TRPM1: variants seen among roughly 807,000 people sequenced by gnomAD.
TRPM1 encodes the protein TRPM1-203 APA Isoform, Intron 10.
A neutral mutation model predicts 149.4 loss-of-function variants in TRPM1; 113 were observed. That is an observed-to-expected ratio of 0.76 (90% CI 0.65 to 0.88). The LOEUF is 0.88. TRPM1 is among the 40% of genes least tolerant of loss of function. The pLI, the probability that TRPM1 is intolerant of heterozygous loss-of-function variation, is 0.00. For synonymous variants in TRPM1, 741 were observed against 759.5 expected, an observed-to-expected ratio of 0.98 and a Z score of 0.40; for missense variants, 1,976 against 2,038.7, an observed-to-expected ratio of 0.97 and a Z score of 0.59.
intron 11 of TRPM1, among the ~76,000 whole-genome samples, chr15:31,057,958 C>T (rs2034127748): frequency 6.6e-6 from 1 of 152,178 alleles, no homozygotes; most frequent in Non-Finnish European, 1.5e-5. Flanking sequence ...CTCCTTTGTC[C>T]TCCGCCATGA....
chr15:31,002,136 C>T lies in TRPM1; in HGVS notation c.4564G>A (p.Glu1522Lys). 6.2e-7 allele frequency: 1 copy of T among 1,614,240 alleles called. No individual in the cohort carries two copies. The change falls in exon 28 of 28, where the codon GAG becomes AAG. Residue 1522 changes from glutamate (E) to lysine (K), a missense_variant. Around this residue, in one of 3 missense-constraint regions of TRPM1, gnomAD observed 572 missense variants for 578.9 expected, o/e 0.99. Coordinates refer to ENST00000256552, the MANE Select transcript of TRPM1 (RefSeq NM_001252024.2). ...SEAAVQAEHK[E>K]QFADMQDEHH... ...TCATCTTGCATATCTGCAAACTGCT[C>T]TTTATGCTCAGCTTGCACTGCAGCT...
chr15:31,088,446 C>T (rs952616065), intron 1 of TRPM1, among the ~76,000 whole-genome samples: 3 of 152,182 alleles, frequency 2.0e-5, no homozygotes, highest in African/African-American at 4.8e-5. Flanking sequence ...GTAACACTGA[C>T]TGTACGGTAT....
At chr15:31,128,777 A>G (rs887830754) in intron 1 of TRPM1, among the ~76,000 whole-genome samples, 1 of 152,258 alleles carries the variant, frequency 6.6e-6, no homozygotes, top group Non-Finnish European at 1.5e-5. Context: ...GGGCCCTGCC[A>G]TCAGAAACCT....
At chr15:31,009,653 T>C (rs1024970979) in intron 27 of TRPM1, among the ~76,000 whole-genome samples, 2 of 152,278 alleles carry the variant, frequency 1.3e-5, no homozygotes, top group Admixed American at 6.5e-5. Flanking sequence ...CTCTTTCTCT[T>C]CTGGGACTCT....
chr15:31,087,019 A>G (rs573946970), intron 1 of TRPM1, among the ~76,000 whole-genome samples: 1 of 152,134 alleles, frequency 6.6e-6, no homozygotes, highest in East Asian at 1.9e-4. Context: ...TTAAAACCAC[A>G]ATGAGATACT....
At chr15:31,037,471 A>T (rs1017565457) in intron 20 of TRPM1, among the ~76,000 whole-genome samples, 1 of 152,210 alleles carries the variant, frequency 6.6e-6, no homozygotes, top group African/African-American at 2.4e-5. Context: ...ATAGCATGTG[A>T]CTATTTTGCC....
chr15:31,086,918 A>T (rs2035017354), intron 1 of TRPM1, among the ~76,000 whole-genome samples: 1 of 152,214 alleles, frequency 6.6e-6, no homozygotes, highest in African/African-American at 2.4e-5. Context: ...TTAAAAAAGG[A>T]CTTTACACAT....
intron 27 of TRPM1, among the ~76,000 whole-genome samples, chr15:31,006,833 T>C (rs911161190): frequency 6.6e-6 from 1 of 152,206 alleles, no homozygotes; most frequent in Non-Finnish European, 1.5e-5. Flanking sequence ...TGTGTAGATA[T>C]ATCTCATTCT....
At chr15:31,010,881 T>C (rs985025745) in intron 27 of TRPM1, among the ~76,000 whole-genome samples, 2 of 152,222 alleles carry the variant, frequency 1.3e-5, no homozygotes, top group African/African-American at 2.4e-5. Flanking sequence ...CCTACAACTA[T>C]TATTTGAGAA....
intron 3 of TRPM1, among the ~76,000 whole-genome samples, chr15:31,075,045 A>G (rs1202789438): frequency 3.3e-5 from 5 of 152,052 alleles, no homozygotes; most frequent in Non-Finnish European, 5.9e-5. Flanking sequence ...GACAGTTTGT[A>G]TTATTTCTAT....
chr15:31,027,030 T>G lies in TRPM1; in HGVS notation c.3381A>C (p.Pro1127=), dbSNP rs1242182123. 2 of 1,614,118 alleles carry G rather than the reference T, an allele frequency of 1.2e-6. No individual in the cohort carries two copies. The highest frequency in any genetic ancestry group is 3.3e-5 in the Admixed American group (2 of 60,006). Residue 1127 remains proline (P), a synonymous_variant, in exon 26 of 28, where the codon CCA becomes CCC. Transcript: ENST00000256552. The part of the protein sequence containing the change: ...YQLIMTFHDR[P]VLPPPMIILS... ...AAATGATCATCGGTGGGGGCAGGACTGGCCTGTCATGAAATGTCATAATCA... is the reference window on the plus strand; with the variant it reads ...AAATGATCATCGGTGGGGGCAGGACGGGCCTGTCATGAAATGTCATAATCA...
At chr15:31,092,454 G>A (rs2035265601) in intron 1 of TRPM1, among the ~76,000 whole-genome samples, 1 of 152,186 alleles carries the variant, frequency 6.6e-6, no homozygotes, top group East Asian at 1.9e-4. Flanking sequence ...GGCCGACCAC[G>A]CGGCCAGGCA....
chr15:31,131,559 T>C (rs546640502), intron 1 of TRPM1, among the ~76,000 whole-genome samples: 1 of 152,330 alleles, frequency 6.6e-6, no homozygotes, highest in East Asian at 1.9e-4. Flanking sequence ...GTGGAAGACA[T>C]GGACAGCGAT....
intron 27 of TRPM1, among the ~76,000 whole-genome samples, chr15:31,021,522 C>T (rs758077414): frequency 1.4e-4 from 22 of 152,058 alleles, no homozygotes; most frequent in Non-Finnish European, 2.5e-4. Context: ...ATAGTGAGAT[C>T]CTGTATCTAC....
At chr15:31,132,031 T>G (rs1035091546) in intron 1 of TRPM1, among the ~76,000 whole-genome samples, 6 of 152,168 alleles carry the variant, frequency 3.9e-5, no homozygotes, top group Admixed American at 2.6e-4. Context: ...CCACAGCCAT[T>G]AATCACATAA....
intron 27 of TRPM1, among the ~76,000 whole-genome samples, chr15:31,016,836 A>G (rs1364299027): frequency 6.6e-6 from 1 of 152,132 alleles, no homozygotes; most frequent in Non-Finnish European, 1.5e-5. Flanking sequence ...GTGCTTAATC[A>G]GTCATGATTA....
chr15:31,113,570 G>A (rs1489058709), intron 1 of TRPM1, among the ~76,000 whole-genome samples: 2 of 151,690 alleles, frequency 1.3e-5, no homozygotes, highest in African/African-American at 2.4e-5. Context: ...TTTAACTTTA[G>A]GTTCCCCCAT....
At chr15:31,099,081 C>T (rs993718779) in intron 1 of TRPM1, among the ~76,000 whole-genome samples, 8 of 152,124 alleles carry the variant, frequency 5.3e-5, no homozygotes, top group Admixed American at 2.6e-4. Flanking sequence ...GCTCCTGGCG[C>T]GATGGGCATC....
At chr15:31,129,667 C>T (rs7178742) in intron 1 of TRPM1, among the ~76,000 whole-genome samples, 24,107 of 152,206 alleles carry the variant, frequency 0.16, 2,657 homozygotes, top group East Asian at 0.65. Flanking sequence ...GTGTGTATTA[C>T]GGAGAATCCT....
Sources: allele counts gnomAD v4.1 joint callset (sites outside exome capture counted in the v4.1 genomes callset), GRCh38; gene constraint gnomAD v4.1.1; regional missense constraint gnomAD v4.1.1; transcripts MANE v1.5; gene names NCBI Gene and HGNC (gene_info 2026-07-23, HGNC 2026-07-21).